Variants in SPTLC1 observed in about 807,000 individuals in gnomAD.
SPTLC1 encodes the protein serine palmitoyltransferase 1.
Under a neutral mutation model 68.9 loss-of-function variants are expected in SPTLC1, and 55 were observed. The ratio of observed to expected loss-of-function variants is 0.80; its 90% CI spans 0.64 to 1.00. The LOEUF (loss-of-function observed/expected upper bound fraction) is 1.00, where lower values mean the gene tolerates loss of function less well. Among genes scored for constraint, SPTLC1 ranks in the 50% least tolerant of loss-of-function variants. The pLI, the probability that SPTLC1 is intolerant of heterozygous loss-of-function variation, is 0.00. For missense variants in SPTLC1, 449 were observed against 573.1 expected (o/e 0.78, Z 2.21); for synonymous variants, 197 against 201.6 (o/e 0.98, Z 0.19).
intron 6 of SPTLC1, among the ~76,000 whole-genome samples, chr9:92,066,831 T>C (rs898863158): frequency 3.3e-5 from 5 of 150,690 alleles, no homozygotes; most frequent in Admixed American, 3.3e-4. Context: ...ATACAAAAAA[T>C]TAGCTAGGTT....
intron 1 of SPTLC1, among the ~76,000 whole-genome samples, chr9:92,114,389 A>G (rs1018518780): frequency 6.6e-6 from 1 of 152,234 alleles, no homozygotes; most frequent in Non-Finnish European, 1.5e-5. Context: ...GTTTCTTATT[A>G]TCTTATGTAT....
rs779810169 is a variant in SPTLC1, at chr9:92,068,054, T to C, written c.472A>G (p.Thr158Ala). The C allele has an allele frequency of 1.2e-5, 20 of 1,613,986 alleles. No homozygotes were observed. Among genetic ancestry groups the C allele is most frequent in the Non-Finnish European group, 1.6e-5 (19 of 1,180,002 alleles). ...LEDRLAKFMKTEEAIIYSYGF... is the reference protein window; with the variant it reads ...LEDRLAKFMKAEEAIIYSYGF... ...TATGAGTATATAATGGCTTCTTCTG[T>C]CTTCATAAATTTTGCCAGGCGGTCT... is the stretch of plus-strand genomic sequence containing the variant. Residue 158 changes from threonine (T) to alanine (A), a missense_variant, in exon 6 of 15, where the codon ACA (threonine) becomes GCA (alanine). Physicochemically the swap from Thr to Ala is moderately conservative, Grantham distance 58. Around this residue, in one of 3 missense-constraint regions of SPTLC1, gnomAD observed 391 missense variants for 472.1 expected, o/e 0.83. Transcript: ENST00000262554.
chr9:92,068,138 T>C, intron 5 of SPTLC1, 40 bp from the exon 6 acceptor site: 2 of 1,590,044 alleles, frequency 1.3e-6, no homozygotes, highest in Non-Finnish European at 1.7e-6. Flanking sequence ...AACTGCCTTA[T>C]AATTCTTTTT....
At chr9:92,105,569 C>T (rs904537753) in intron 3 of SPTLC1, 164 of 554,514 alleles carry the variant, frequency 3.0e-4, no homozygotes, top group Middle Eastern at 2.0e-3. Context: ...GCTGCTCCAC[C>T]ATCTGGGAAG....
chr9:92,106,169 C>A (rs983997162), intron 3 of SPTLC1, among the ~76,000 whole-genome samples: 2 of 152,228 alleles, frequency 1.3e-5, no homozygotes, highest in Non-Finnish European at 2.9e-5. Flanking sequence ...TGCTGTGCAA[C>A]CTTCCAAGTG....
chr9:92,102,171 T>C (rs1251730339), intron 3 of SPTLC1, among the ~76,000 whole-genome samples: 2 of 152,212 alleles, frequency 1.3e-5, no homozygotes, highest in Non-Finnish European at 2.9e-5. Flanking sequence ...CAAAGAGTAC[T>C]GTACTGAGCA....
intron 6 of SPTLC1, among the ~76,000 whole-genome samples, chr9:92,062,422 T>C (rs985147084): frequency 6.6e-6 from 1 of 152,162 alleles, no homozygotes; most frequent in African/African-American, 2.4e-5. Flanking sequence ...GAAACTTCAT[T>C]ATCCTTCAAC....
chr9:92,036,678 T>C (rs138133893), intron 13 of SPTLC1, among the ~76,000 whole-genome samples: 195 of 152,364 alleles, frequency 1.3e-3, no homozygotes, highest in African/African-American at 4.5e-3. Flanking sequence ...TTCACCTGCC[T>C]CATGAAGGTA....
rs749175480 is a variant in SPTLC1, at chr9:92,059,253, T to C, written c.616A>G (p.Ile206Val). ...ATGTCATTATGCTTAAATAACTTAA[T>C]GTCACTACGGGATGCCTGTAATCCT... ...QKGLQASRSD[I>V]KLFKHNDMAD... The change falls in exon 7 of 15, where the codon ATT becomes GTT. Residue 206 changes from isoleucine to valine, a missense_variant. Physicochemically the swap from Ile to Val is conservative, Grantham distance 29. Around this residue, in one of 3 missense-constraint regions of SPTLC1, gnomAD observed 391 missense variants for 472.1 expected, o/e 0.83. Transcript: ENST00000262554. 3.1e-6 allele frequency: 5 copies of C among 1,614,000 alleles called. No individual in the cohort carries two copies. The highest frequency in any genetic ancestry group is 4.2e-6 in the Non-Finnish European group (5 of 1,180,004).
At chr9:92,077,062 C>T (rs563084621) in intron 5 of SPTLC1, 2 of 152,256 alleles carry the variant, frequency 1.3e-5, no homozygotes, top group East Asian at 1.9e-4. Flanking sequence ...AGCCAAGGAC[C>T]TTTTAAAAAC....
chr9:92,045,524 TAAAAA>T lies in SPTLC1; in HGVS notation c.1136+470_1136+474del, dbSNP rs71362367. On this transcript the variant is annotated intron_variant, in intron 12 of 14. Transcript: ENST00000262554. The stretch of plus-strand genomic sequence containing the variant: ...AAAAAAAAAAGTGACTCTTGTGTAG[TAAAAA>T]AAAAAAAAAAAAAAAAAAAAAAACA... Among the ~76,000 whole-genome samples, 185 of 31,620 alleles carry T rather than the reference TAAAAA, an allele frequency of 5.9e-3. 1 individual carries two copies. Among genetic ancestry groups the T allele is most frequent in the African/African-American group, 6.7e-3 (60 of 8,962 alleles). The allele number at this position is 31,620 out of a possible 152,430, so 20.7% of individuals were successfully genotyped here. A position where few individuals can be genotyped will look rare whatever the true frequency, so the allele number is the denominator to read the frequency against.
chr9:92,079,961 T>C (rs1006858830), intron 5 of SPTLC1, 55 bp downstream of exon 5: 3 of 1,483,852 alleles, frequency 2.0e-6, no homozygotes, highest in Admixed American at 1.7e-5. Flanking sequence ...CAGCCTAAAA[T>C]TGAATCTTAA....
rs200704785 is a variant in SPTLC1, at chr9:92,038,238, G to A, written c.1254+10C>T. The stretch of plus-strand genomic sequence containing the variant: ...GTGTGGGGGGATGCCTCAAGTCAAC[G>A]GATACTTACTTGATCTACAATTTCC... On this transcript the variant is annotated intron_variant, in intron 13 of 14. Coordinates refer to ENST00000262554, the MANE Select transcript of SPTLC1 (RefSeq NM_006415.4). 2,694 of 1,565,952 alleles carry A rather than the reference G, an allele frequency of 1.7e-3. 53 individuals carry two copies. In the South Asian group the frequency reaches 0.028, roughly 16 times the overall value.
rs777688621 is a variant in SPTLC1 at position 92,112,487 on chromosome 9, T to C, written c.133A>G (p.Lys45Glu). 6.2e-7 allele frequency: 1 copy of C among 1,610,576 alleles called. No homozygotes were observed. The highest frequency in any genetic ancestry group is 8.5e-7 in the Non-Finnish European group (1 of 1,178,452). ...GTAAGATCAGATCGTTCTTGTAATT[T>C]GTAAGTCTTAGAGAAAAGAAGTCTG... ...IIRLLFSKTY[K>E]LQERSDLTVK... The change falls in exon 2 of 15, where the codon AAA (lysine) becomes GAA (glutamate). Residue 45 changes from lysine (K) to glutamate (E), a missense_variant. By Grantham distance (56) the Lys-to-Glu change is moderately conservative. Coordinates refer to ENST00000262554, the MANE Select transcript of SPTLC1 (RefSeq NM_006415.4).
intron 6 of SPTLC1, among the ~76,000 whole-genome samples, chr9:92,061,728 TAAAG>T (rs1834109787): frequency 6.6e-6 from 1 of 151,876 alleles, no homozygotes; most frequent in African/African-American, 2.4e-5. Flanking sequence ...ATGAGGCAAA[TAAAG>T]GAATGTAAAG....
At chr9:92,079,443 C>T (rs1834799585) in intron 5 of SPTLC1, 1 of 1,596,306 alleles carries the variant, frequency 6.3e-7, no homozygotes, top group Non-Finnish European at 8.5e-7. Context: ...CCATAAAATG[C>T]CGGTCTTCTT....
At chr9:92,048,439 T>C (rs539964081) in intron 9 of SPTLC1, among the ~76,000 whole-genome samples, 2 of 152,322 alleles carry the variant, frequency 1.3e-5, no homozygotes, top group Admixed American at 6.5e-5. Flanking sequence ...CAGCAGAGTT[T>C]TGAGAAACTC....
At position 92,047,718 on chromosome 9, in the gene SPTLC1, AAGG is replaced by A. The variant is rs777664876; in HGVS notation, c.889-13_889-11del. On this transcript the variant is annotated splice_polypyrimidine_tract_variant and intron_variant, in intron 9 of 14. Transcript: ENST00000262554. ...GATCAATATCATCAATCTGCCGGAAAAGGAGGAGTGACAGTTATTCCACAGTTT... is the reference window on the plus strand; with the variant it reads ...GATCAATATCATCAATCTGCCGGAAAAGGAGTGACAGTTATTCCACAGTTT... The A allele has an allele frequency of 5.6e-6, 9 of 1,594,486 alleles. No individual in the cohort carries two copies. Among genetic ancestry groups the A allele is most frequent in the African/African-American group, 4.0e-5 (3 of 74,674 alleles).
chr9:92,055,148 C>T, intron 8 of SPTLC1: 1 of 825,184 alleles, frequency 1.2e-6, no homozygotes, highest in Non-Finnish European at 1.5e-6. Context: ...ATCACTTGAG[C>T]CCAGGAGGGT....
Sources: allele counts gnomAD v4.1 joint callset (sites outside exome capture counted in the v4.1 genomes callset), GRCh38; gene constraint gnomAD v4.1.1; regional missense constraint gnomAD v4.1.1; transcripts MANE v1.5; gene names NCBI Gene and HGNC (gene_info 2026-07-23, HGNC 2026-07-21).